The following GPC6 variants were observed in gnomAD, a reference collection of about 807,000 sequenced individuals.
The protein encoded by GPC6 is glypican-6.
Under a neutral mutation model 55.2 loss-of-function variants are expected in GPC6, and 14 were observed. The observed-to-expected ratio is 0.25, with a 90% confidence interval of 0.17 to 0.40. The LOEUF is 0.40. Ranked by LOEUF, GPC6 falls within the 10% of genes least tolerant of loss-of-function variation. The pLI is 1.00. For missense variants in GPC6, 641 were observed against 708.5 expected, an observed-to-expected ratio of 0.90 and a Z score of 1.08; for synonymous variants, 278 against 259.6, an observed-to-expected ratio of 1.07 and a Z score of -0.68.
intron 6 of GPC6, among the ~76,000 whole-genome samples, chr13:94,358,997 G>A (rs1007836556): frequency 6.6e-6 from 1 of 152,318 alleles, no homozygotes; most frequent in African/African-American, 2.4e-5. Context: ...CTGGACAAAA[G>A]TTCTAGCTCC....
chr13:93,921,236 G>A (rs911172921), intron 3 of GPC6, among the ~76,000 whole-genome samples: 51 of 152,170 alleles, frequency 3.4e-4, no homozygotes, highest in African/African-American at 1.0e-3. Context: ...TGCGGGAGTC[G>A]GGCCAAGTGC....
At chr13:93,454,176 T>TTTTG (rs1362667638) in intron 1 of GPC6, among the ~76,000 whole-genome samples, 7 of 148,112 alleles carry the variant, frequency 4.7e-5, no homozygotes, top group East Asian at 2.0e-4. Context: ...GATTGGTGTG[T>TTTTG]TTACAAACCT....
chr13:93,597,780 T>C (rs909407613), intron 2 of GPC6, among the ~76,000 whole-genome samples: 2 of 152,158 alleles, frequency 1.3e-5, no homozygotes, highest in African/African-American at 2.4e-5. Context: ...TAAAAAGTGT[T>C]GATTGTTCGT....
chr13:94,118,996 A>ATG (rs4001790), intron 4 of GPC6, among the ~76,000 whole-genome samples: 113 of 150,644 alleles, frequency 7.5e-4, no homozygotes, highest in African/African-American at 2.6e-3. Flanking sequence ...TACATTATGT[A>ATG]TGTGTGTGTG....
At chr13:94,388,870 T>C (rs1295419671) in intron 7 of GPC6, among the ~76,000 whole-genome samples, 5 of 152,176 alleles carry the variant, frequency 3.3e-5, no homozygotes, top group Non-Finnish European at 7.3e-5. Flanking sequence ...CCAGGTACCA[T>C]CACACTGGGG....
chr13:93,697,947 TC>T (rs1188176645), intron 2 of GPC6, among the ~76,000 whole-genome samples: 3 of 152,204 alleles, frequency 2.0e-5, no homozygotes, highest in Non-Finnish European at 4.4e-5. Flanking sequence ...CAACTGCATT[TC>T]ATTTATCTTG....
intron 3 of GPC6, among the ~76,000 whole-genome samples, chr13:93,976,898 A>G (rs149845327): frequency 5.9e-5 from 9 of 152,148 alleles, no homozygotes; most frequent in African/African-American, 1.9e-4. Flanking sequence ...TGGAACGTTT[A>G]TTCCCTAAAT....
intron 3 of GPC6, among the ~76,000 whole-genome samples, chr13:93,892,671 A>C (rs1413361440): frequency 1.3e-5 from 2 of 152,218 alleles, no homozygotes; most frequent in Non-Finnish European, 1.5e-5. Flanking sequence ...ATAGGTATAG[A>C]TATAGATGCC....
intron 6 of GPC6, among the ~76,000 whole-genome samples, chr13:94,341,623 A>C (rs1405400245): frequency 6.6e-6 from 1 of 152,104 alleles, no homozygotes; most frequent in East Asian, 1.9e-4. Context: ...ATGCTAAAGA[A>C]TATATCATCA....
intron 6 of GPC6, among the ~76,000 whole-genome samples, chr13:94,357,984 C>T (rs1878877031): frequency 6.6e-6 from 1 of 152,164 alleles, no homozygotes; most frequent in South Asian, 2.1e-4. Context: ...TGACTGAATG[C>T]ATGAACACAT....
At chr13:93,999,088 G>A (rs1228589732) in intron 3 of GPC6, among the ~76,000 whole-genome samples, 1 of 152,014 alleles carries the variant, frequency 6.6e-6, no homozygotes, top group African/African-American at 2.4e-5. Context: ...GTGCAGTTTT[G>A]TTACTTAGGT....
At chr13:93,941,660 G>A (rs554471782) in intron 3 of GPC6, among the ~76,000 whole-genome samples, 1 of 152,184 alleles carries the variant, frequency 6.6e-6, no homozygotes, top group African/African-American at 2.4e-5. Flanking sequence ...ACACACATTT[G>A]TGGAGATTCT....
chr13:93,296,833 A>G (rs1878510056), intron 1 of GPC6, among the ~76,000 whole-genome samples: 1 of 152,204 alleles, frequency 6.6e-6, no homozygotes, highest in South Asian at 2.1e-4. Context: ...TAGTCAGTGA[A>G]TGCCTCAGGT....
intron 2 of GPC6, among the ~76,000 whole-genome samples, chr13:93,772,088 T>C (rs961642683): frequency 6.6e-6 from 1 of 152,200 alleles, no homozygotes; most frequent in Non-Finnish European, 1.5e-5. Flanking sequence ...CTTAATGCAT[T>C]ACCTTTTATG....
chr13:93,912,728 T>C (rs748452078), intron 3 of GPC6, among the ~76,000 whole-genome samples: 1 of 152,028 alleles, frequency 6.6e-6, no homozygotes, highest in Non-Finnish European at 1.5e-5. Flanking sequence ...GGGCGACAGA[T>C]AGAGACTCCG....
At chr13:94,205,634 A>G (rs1889877886) in intron 4 of GPC6, among the ~76,000 whole-genome samples, 1 of 152,176 alleles carries the variant, frequency 6.6e-6, no homozygotes, top group African/African-American at 2.4e-5. Context: ...ATTTCAATCT[A>G]TTCCACCAGG....
chr13:94,379,468 GAA>G (rs1880059640), intron 6 of GPC6, among the ~76,000 whole-genome samples: 1 of 152,154 alleles, frequency 6.6e-6, no homozygotes, highest in African/African-American at 2.4e-5. Flanking sequence ...AACAATGAGA[GAA>G]AACCCACATC....
chr13:93,663,436 T>C (rs1410836117), intron 2 of GPC6, among the ~76,000 whole-genome samples: 21 of 152,222 alleles, frequency 1.4e-4, no homozygotes, highest in Admixed American at 1.4e-3. Context: ...AGACAGATTA[T>C]TAAAGGTCTG....
intron 3 of GPC6, among the ~76,000 whole-genome samples, chr13:93,854,129 C>T (rs8001981): frequency 0.42 from 63,865 of 151,278 alleles, 14,701 homozygotes; most frequent in African/African-American, 0.6. Context: ...TTACCATAAT[C>T]TGCCTACTCA....
Sources: gnomAD v4.1 joint callset for allele counts (sites outside exome capture counted in the v4.1 genomes callset) on GRCh38, gnomAD v4.1.1 for gene constraint, MANE v1.5 for transcripts, NCBI Gene and HGNC (gene_info 2026-07-23, HGNC 2026-07-21) for gene names.